Variants in SFI1 observed in about 807,000 individuals in gnomAD.
The protein encoded by SFI1 is SFI1 centrin binding protein.
A neutral mutation model predicts 207.5 loss-of-function variants in SFI1; 195 were observed. The ratio of observed to expected loss-of-function variants is 0.94; its 90% CI spans 0.84 to 1.06. The LOEUF is 1.06. Among genes scored for constraint, SFI1 ranks in the 50% least tolerant of loss-of-function variants. The pLI is 0.00. For synonymous variants in SFI1, 630 were observed against 598.9 expected, an observed-to-expected ratio of 1.05 and a Z score of -0.76; for missense variants, 1,634 against 1,588.0, an observed-to-expected ratio of 1.03 and a Z score of -0.49.
chr22:31,530,792 C>T lies in SFI1; in HGVS notation c.267-266C>T, dbSNP rs988606003. ...GAACAAAAGAATTATTATGTACTTC[C>T]TGTACCTCATTTTTGAAGTTTTTAA... On this transcript the variant is annotated intron_variant, in intron 3 of 32. Coordinates refer to ENST00000400288, the MANE Select transcript of SFI1 (RefSeq NM_001007467.3). 3 of 478,828 alleles carry T rather than the reference C, an allele frequency of 6.3e-6. No individual in the cohort carries two copies. In the Admixed American group the frequency reaches 1.0e-4, roughly 17 times the overall value. 29.7% of individuals were successfully genotyped at this position (478,828 alleles called of 1,614,324 possible). A position where few individuals can be genotyped will look rare whatever the true frequency, so the allele number is the denominator to read the frequency against.
At chr22:31,555,442 A>G (rs1020867129) in intron 6 of SFI1, among the ~76,000 whole-genome samples, 1 of 152,312 alleles carries the variant, frequency 6.6e-6, no homozygotes, top group African/African-American at 2.4e-5. Flanking sequence ...CCTAGACCTC[A>G]GGGAGTGTCC....
Position 31,613,816 on chromosome 22 carries a change from T to TG in SFI1, c.2960dup (p.Arg988ProfsTer5). On this transcript the variant is annotated frameshift_variant, in exon 27 of 33. Coordinates refer to ENST00000400288, the MANE Select transcript of SFI1 (RefSeq NM_001007467.3). LOFTEE classifies it high-confidence loss of function. ...CAGGCTTCTCGGCCTCTGGGAGCTCTGGGCCGCCTGGCTGCTGAGGAGCCC... is the reference window on the plus strand; with the variant it reads ...CAGGCTTCTCGGCCTCTGGGAGCTCTGGGGCCGCCTGGCTGCTGAGGAGCCC... The TG allele has an allele frequency of 6.2e-7, 1 of 1,609,976 alleles. No individual in the cohort carries two copies. Among genetic ancestry groups the TG allele is most frequent in the Non-Finnish European group, 8.5e-7 (1 of 1,178,602 alleles).
At chr22:31,528,117 A>G (rs2058109375) in intron 2 of SFI1, among the ~76,000 whole-genome samples, 1 of 151,778 alleles carries the variant, frequency 6.6e-6, no homozygotes, top group Non-Finnish European at 1.5e-5. Context: ...TATCTCAAAA[A>G]AATAATAAAA....
intron 7 of SFI1, 98 bp downstream of exon 7, chr22:31,557,157 T>A: frequency 1.4e-6 from 1 of 717,530 alleles, no homozygotes; most frequent in Non-Finnish European, 2.3e-6. Context: ...CTTAAAACAA[T>A]GGTTTGTATT....
At chr22:31,615,855 G>A (rs1269505200) in intron 29 of SFI1, 1 of 152,744 alleles carries the variant, frequency 6.5e-6, no homozygotes, top group Non-Finnish European at 1.5e-5. Flanking sequence ...GGGAAACAGA[G>A]TTCTTTGACT....
At chr22:31,554,795 A>T (rs933305616) in intron 6 of SFI1, among the ~76,000 whole-genome samples, 8 of 151,990 alleles carry the variant, frequency 5.3e-5, no homozygotes, top group Admixed American at 6.6e-5. Flanking sequence ...TATTTTTAGT[A>T]GAGACATTTA....
In SFI1 at chr22:31,589,618, C is replaced by T. The variant is rs367952632; in HGVS notation, c.1544+41C>T. On this transcript the variant is annotated intron_variant, in intron 15 of 32. Coordinates refer to ENST00000400288, the MANE Select transcript of SFI1 (RefSeq NM_001007467.3). ...CCTGTCTGCACTGGGGCAGGTGTTTCAAATCTAACTCTGACAACCACACAG... is the reference window on the plus strand; with the variant it reads ...CCTGTCTGCACTGGGGCAGGTGTTTTAAATCTAACTCTGACAACCACACAG... The T allele has an allele frequency of 7.0e-6, 11 of 1,580,792 alleles. No homozygotes were observed. In the African/African-American group the frequency reaches 1.5e-4, roughly 21 times the overall value.
At chr22:31,593,994 G>GAGGGAGAGGGAGAGGGGC (rs2066624818) in intron 15 of SFI1, among the ~76,000 whole-genome samples, 1 of 74,596 alleles carries the variant, frequency 1.3e-5, no homozygotes, top group African/African-American at 4.4e-5. Flanking sequence ...AGACGAGGGA[G>GAGGGAGAGGGAGAGGGGC]AGGGAGAGGG....
At chr22:31,510,550 C>T (rs1177826892) in intron 2 of SFI1, among the ~76,000 whole-genome samples, 1 of 152,108 alleles carries the variant, frequency 6.6e-6, no homozygotes, top group African/African-American at 2.4e-5. Context: ...TCTCCTGCCT[C>T]AGCCTCCCGA....
chr22:31,609,939 G>A (rs1210922665), intron 22 of SFI1, among the ~76,000 whole-genome samples: 3 of 152,216 alleles, frequency 2.0e-5, no homozygotes, highest in African/African-American at 7.2e-5. Flanking sequence ...AGTTAGAGGC[G>A]ACGGGTTTGA....
intron 31 of SFI1, among the ~76,000 whole-genome samples, chr22:31,617,395 C>G (rs7292913): frequency 1.3e-5 from 2 of 151,948 alleles, no homozygotes; most frequent in Non-Finnish European, 2.9e-5. Flanking sequence ...GCCATGCTGT[C>G]CCCAGTGACT....
At chr22:31,525,445 G>T (rs180955772) in intron 2 of SFI1, among the ~76,000 whole-genome samples, 74 of 152,198 alleles carry the variant, frequency 4.9e-4, no homozygotes, top group African/African-American at 1.7e-3. Context: ...AAATAAATTG[G>T]CACTGGGTGC....
chr22:31,557,552 T>G (rs2061290105), intron 7 of SFI1, among the ~76,000 whole-genome samples: 1 of 152,098 alleles, frequency 6.6e-6, no homozygotes. Context: ...ATAACTTGTT[T>G]ATAAGATCGA....
intron 5 of SFI1, among the ~76,000 whole-genome samples, 164 bp from the exon 6 acceptor site, chr22:31,550,090 C>G (rs890394452): frequency 2.6e-5 from 4 of 151,990 alleles, no homozygotes; most frequent in African/African-American, 9.7e-5. Context: ...TGCCACCACA[C>G]CCGGCACACG....
In SFI1 at chr22:31,551,500, C is replaced by T. The variant is rs190261891; in HGVS notation, c.544+1152C>T. 5.3e-5 allele frequency among the ~76,000 whole-genome samples: 8 copies of T among 152,264 alleles called. No individual in the cohort carries two copies. The South Asian group carries it at 1.0e-3, about 20-fold the overall frequency. ...CACTGTTTCACTGGTAAGTAACTTA[C>T]GCTGTTTGTTGTTTATTTTTTTAAT... On this transcript the variant is annotated intron_variant, in intron 6 of 32. Transcript: ENST00000400288.
chr22:31,617,467 T>G (rs1430726369), intron 31 of SFI1, among the ~76,000 whole-genome samples: 1 of 152,118 alleles, frequency 6.6e-6, no homozygotes, highest in Non-Finnish European at 1.5e-5. Flanking sequence ...ACACCTGTCA[T>G]CCCAGCACTT....
chr22:31,540,997 G>C (rs1489999565), intron 4 of SFI1, among the ~76,000 whole-genome samples: 1 of 152,168 alleles, frequency 6.6e-6, no homozygotes, highest in Admixed American at 6.5e-5. Flanking sequence ...CTGGAGTCCA[G>C]TTCTCCTCTG....
chr22:31,513,005 C>T (rs1601929845), intron 2 of SFI1, among the ~76,000 whole-genome samples: 1 of 151,936 alleles, frequency 6.6e-6, no homozygotes, highest in Non-Finnish European at 1.5e-5. Flanking sequence ...ATTTTTAATA[C>T]AGATAGGGTT....
At chr22:31,610,646 C>T (rs2069931357) in intron 22 of SFI1, among the ~76,000 whole-genome samples, 2 of 152,232 alleles carry the variant, frequency 1.3e-5, no homozygotes, top group African/African-American at 4.8e-5. Flanking sequence ...AGCCAGAGGG[C>T]ATGGCCTGGC....
Sources: allele counts gnomAD v4.1 joint callset (sites outside exome capture counted in the v4.1 genomes callset), GRCh38; gene constraint gnomAD v4.1.1; transcripts MANE v1.5; gene names NCBI Gene and HGNC (gene_info 2026-07-23, HGNC 2026-07-21).